DCAF16: variants seen among roughly 807,000 people sequenced by gnomAD.
DCAF16 encodes DDB1 and CUL4 associated factor 16, also known as DDB1- and CUL4-associated factor 16.
Under a neutral mutation model 17.3 loss-of-function variants are expected in DCAF16, and 10 were observed. That is an observed-to-expected ratio of 0.58 (90% CI 0.36 to 0.98). The LOEUF is 0.98. Ranked by LOEUF, DCAF16 falls within the 50% of genes least tolerant of loss-of-function variation. The pLI is 0.01. For synonymous variants in DCAF16, 111 were observed against 92.8 expected, an observed-to-expected ratio of 1.20 and a Z score of -1.12; for missense variants, 249 against 247.6, an observed-to-expected ratio of 1.01 and a Z score of -0.04.
chr4:17,804,932 T>TA lies in DCAF16; in HGVS notation c.-630-162dup, dbSNP rs1263298336. ...CAATTTACCTGTTGGTAATAGCTCT[T>TA]ACAATCACAATATTGGGGAGCAAAG... On this transcript the variant is annotated intron_variant, in intron 2 of 2. Transcript: ENST00000382247. Among the ~76,000 whole-genome samples, 3 of 152,302 alleles carry TA rather than the reference T, an allele frequency of 2.0e-5. No homozygotes were observed. In the East Asian group the frequency reaches 5.8e-4, roughly 29 times the overall value.
downstream of DCAF16, among the ~76,000 whole-genome samples, chr4:17,797,104 G>A (rs891783038): frequency 6.6e-6 from 1 of 152,030 alleles, no homozygotes; most frequent in African/African-American, 2.4e-5. Context: ...CTAGGACTAC[G>A]GGTGTGCACC....
At position 17,804,306 on chromosome 4, in the gene DCAF16, G is replaced by A; in HGVS notation, c.-165C>T. On this transcript the variant is annotated 5_prime_UTR_variant, in exon 3 of 3. Transcript: ENST00000382247. ...AAGTATGCTTGTGGCCCATACCACT[G>A]TGCCGTTCTTCAAGATTATGTTGTA... 3.1e-6 allele frequency: 2 copies of A among 639,538 alleles called. No individual in the cohort carries two copies. The highest frequency in any genetic ancestry group is 5.6e-6 in the Non-Finnish European group (2 of 360,242). 39.6% of individuals were successfully genotyped at this position (639,538 alleles called of 1,614,324 possible). A position where few individuals can be genotyped will look rare whatever the true frequency, so the allele number is the denominator to read the frequency against.
chr4:17,808,362 C>T (rs989185884), intron 1 of DCAF16, among the ~76,000 whole-genome samples: 1 of 152,122 alleles, frequency 6.6e-6, no homozygotes, highest in Admixed American at 6.5e-5. Flanking sequence ...CCAGATTGCA[C>T]CTGTGAGATT....
Position 17,802,725 on chromosome 4 carries a change from C to T in DCAF16, c.*766G>A, listed in dbSNP as rs1719910103. 6.6e-6 allele frequency: 1 copy of T among 151,696 alleles called. No homozygotes were observed. Among genetic ancestry groups the T allele is most frequent in the Non-Finnish European group, 1.5e-5 (1 of 67,984 alleles). 9.4% of individuals were successfully genotyped at this position (151,696 alleles called of 1,614,324 possible). On this transcript the variant is annotated 3_prime_UTR_variant, in exon 3 of 3. Coordinates refer to ENST00000382247, the MANE Select transcript of DCAF16 (RefSeq NM_017741.4). ...CTATATAAAAGCTGGGAAAGAAATT[C>T]ATAGCCCTGCCATTTTCCTTTGTGT...
chr4:17,795,010 A>T, the DCAF16 span, among the ~76,000 whole-genome samples: 2 of 152,230 alleles, frequency 1.3e-5, no homozygotes, highest in South Asian at 2.1e-4. Flanking sequence ...GCCTTCTCAG[A>T]TTACTCCCTC....
intron 1 of DCAF16, among the ~76,000 whole-genome samples, chr4:17,805,649 G>A (rs1720256736): frequency 6.6e-6 from 1 of 152,166 alleles, no homozygotes; most frequent in Non-Finnish European, 1.5e-5. Context: ...TGAATAAGAT[G>A]AGATACATTT....
At position 17,803,551 on chromosome 4, in the gene DCAF16, A is replaced by G. The variant is rs1360161109; in HGVS notation, c.591T>C (p.Thr197=). 1.2e-6 allele frequency: 2 copies of G among 1,614,168 alleles called. No homozygotes were observed. Among genetic ancestry groups the G allele is most frequent in the Non-Finnish European group, 1.7e-6 (2 of 1,179,984 alleles). ...KETTRTEPIN[T]TYSYTDFQKA... is the part of the protein sequence containing the mutation. ...TTTGGAAGTCAGTGTAAGAATAAGTAGTGTTGATGGGTTCAGTACGAGTTG... is the reference window on the plus strand; with the variant it reads ...TTTGGAAGTCAGTGTAAGAATAAGTGGTGTTGATGGGTTCAGTACGAGTTG... The change falls in exon 3 of 3, where the codon ACT becomes ACC. Residue 197 remains threonine (T), a synonymous_variant. Coordinates refer to ENST00000382247, the MANE Select transcript of DCAF16 (RefSeq NM_017741.4).
chr4:17,800,360 T>C (rs1719653845), downstream of DCAF16, among the ~76,000 whole-genome samples: 2 of 152,216 alleles, frequency 1.3e-5, no homozygotes, highest in Admixed American at 1.3e-4. Flanking sequence ...ACCCAGTGTT[T>C]ATGCCACACA....
chr4:17,806,690 A>C (rs1720356912), intron 1 of DCAF16, among the ~76,000 whole-genome samples: 1 of 152,204 alleles, frequency 6.6e-6, no homozygotes, highest in Admixed American at 6.5e-5. Flanking sequence ...ACAAACCTTA[A>C]AGTTTATATA....
the DCAF16 span, among the ~76,000 whole-genome samples, chr4:17,793,830 T>C: frequency 6.6e-6 from 1 of 152,224 alleles, no homozygotes; most frequent in Non-Finnish European, 1.5e-5. Flanking sequence ...GCACTCTATT[T>C]ACTGTATATT....
chr4:17,798,212 T>G (rs1481682183), downstream of DCAF16, among the ~76,000 whole-genome samples: 2 of 152,192 alleles, frequency 1.3e-5, no homozygotes, highest in African/African-American at 4.8e-5. Context: ...CAACTTCGTT[T>G]TATGATTCAA....
downstream of DCAF16, among the ~76,000 whole-genome samples, chr4:17,795,951 A>G (rs1365732836): frequency 1.3e-5 from 2 of 152,188 alleles, no homozygotes; most frequent in Admixed American, 1.3e-4. Context: ...CCATTGCCAG[A>G]TTCTGTAGCC....
chr4:17,803,557 G>A lies in DCAF16; in HGVS notation c.585C>T (p.Ile195=). The A allele has an allele frequency of 3.7e-6, 6 of 1,614,168 alleles. 1 individual carries two copies. In the Admixed American group the frequency reaches 1.0e-4, roughly 27 times the overall value. The part of the protein sequence containing the change: ...TVKETTRTEP[I]NTTYSYTDFQ... ...AGTCAGTGTAAGAATAAGTAGTGTT[G>A]ATGGGTTCAGTACGAGTTGTTTCCT... Residue 195 remains isoleucine (I), a synonymous_variant, in exon 3 of 3, where the codon ATC becomes ATT. Transcript: ENST00000382247.
Position 17,804,112 on chromosome 4 carries a change from G to A in DCAF16, c.30C>T (p.His10=). 7 of 1,613,982 alleles carry A rather than the reference G, an allele frequency of 4.3e-6. No individual in the cohort carries two copies. Among genetic ancestry groups the A allele is most frequent in the Non-Finnish European group, 5.9e-6 (7 of 1,179,962 alleles). MGPRNPSPD[H]LSESESEEEE... ...CTTCCTCACTTTCTGATTCTGACAAGTGGTCAGGAGAGGGATTTCTAGGAC... is the reference window on the plus strand; with the variant it reads ...CTTCCTCACTTTCTGATTCTGACAAATGGTCAGGAGAGGGATTTCTAGGAC... Residue 10 remains histidine (H), a synonymous_variant, in exon 3 of 3, where the codon CAC becomes CAT. Coordinates refer to ENST00000382247, the MANE Select transcript of DCAF16 (RefSeq NM_017741.4).
At chr4:17,796,736 C>T (rs1719447834), downstream of DCAF16, among the ~76,000 whole-genome samples, 1 of 152,150 alleles carries the variant, frequency 6.6e-6, no homozygotes, top group Non-Finnish European at 1.5e-5. Flanking sequence ...ACCCAAACTA[C>T]CTGCTGTTGA....
At chr4:17,793,808 C>T in the DCAF16 span, among the ~76,000 whole-genome samples, 2 of 152,138 alleles carry the variant, frequency 1.3e-5, no homozygotes, top group African/African-American at 4.8e-5. Flanking sequence ...ATCAAGTACA[C>T]TTATGATTAG....
chr4:17,798,310 CTTTTTTTT>C (rs61478198), downstream of DCAF16, among the ~76,000 whole-genome samples: 1 of 131,252 alleles, frequency 7.6e-6, no homozygotes, highest in Admixed American at 7.7e-5. Flanking sequence ...TGTTATTTTC[CTTTTTTTT>C]TTTTTTTTTT....
chr4:17,796,839 A>T (rs1259174069), downstream of DCAF16, among the ~76,000 whole-genome samples: 1 of 151,704 alleles, frequency 6.6e-6, no homozygotes. Flanking sequence ...AAACTCTCAT[A>T]TCTGCAATTG....
At chr4:17,805,657 T>C (rs560648475) in intron 1 of DCAF16, among the ~76,000 whole-genome samples, 1 of 152,318 alleles carries the variant, frequency 6.6e-6, no homozygotes, top group Admixed American at 6.5e-5. Flanking sequence ...ATGAGATACA[T>C]TTCCTTTAAA....
Sources: allele counts gnomAD v4.1 joint callset (sites outside exome capture counted in the v4.1 genomes callset), GRCh38; gene constraint gnomAD v4.1.1; transcripts MANE v1.5; gene names NCBI Gene and HGNC (gene_info 2026-07-23, HGNC 2026-07-21).